Variants in TTC38 observed in about 807,000 individuals in gnomAD.
TTC38 encodes the protein tetratricopeptide repeat protein 38.
TTC38 carries 64 observed loss-of-function variants against 64.2 expected under a neutral mutation model. The ratio of observed to expected loss-of-function variants is 1.00; its 90% CI spans 0.81 to 1.23. The LOEUF (loss-of-function observed/expected upper bound fraction) is 1.23. Ranked by LOEUF, TTC38 falls within the 50% of genes most tolerant of loss-of-function variation. TTC38 has a pLI of 0.00. For synonymous variants in TTC38, 254 were observed against 249.3 expected (o/e 1.02, Z -0.18); for missense variants, 573 against 615.5 (o/e 0.93, Z 0.73).
chr22:46,289,120 G>C (rs6007794), intron 11 of TTC38, among the ~76,000 whole-genome samples: 1 of 152,192 alleles, frequency 6.6e-6, no homozygotes, highest in African/African-American at 2.4e-5. Context: ...CAATCCTGAC[G>C]GTTCTGTTAG....
chr22:46,268,196 G>A (rs563047349), intron 1 of TTC38, 124 bp downstream of exon 1: 3 of 1,115,248 alleles, frequency 2.7e-6, no homozygotes, highest in East Asian at 5.5e-5. Context: ...CTGGGCGCAC[G>A]GGCGCGTCCG....
chr22:46,278,750 C>A, intron 6 of TTC38, 89 bp downstream of exon 6: 1 of 1,002,556 alleles, frequency 1.0e-6, no homozygotes, highest in South Asian at 1.3e-5. Flanking sequence ...TCGTGTGTGA[C>A]CCCGGCGAAC....
At position 46,282,554 on chromosome 22, in the gene TTC38, A is replaced by G. The variant is rs771969019; in HGVS notation, c.735+836A>G. Among the ~76,000 whole-genome samples, 4 of 152,186 alleles carry G rather than the reference A, an allele frequency of 2.6e-5. No homozygotes were observed. The highest frequency in any genetic ancestry group is 4.4e-5 in the Non-Finnish European group (3 of 68,030). ...TTTGTATTTGGGGCAGCAAGAAATCAGGGAAGGGTGTGCACTTGGCTCCCA... is the reference window on the plus strand; with the variant it reads ...TTTGTATTTGGGGCAGCAAGAAATCGGGGAAGGGTGTGCACTTGGCTCCCA... On this transcript the variant is annotated intron_variant, in intron 7 of 13. Transcript: ENST00000381031. This position sits in a 1 kb window ranked among gnomAD's most constrained non-coding sequence, Gnocchi z 4.4.
Position 46,291,566 on chromosome 22 carries a change from C to T in TTC38, c.1317-1225C>T, listed in dbSNP as rs970918476. Among the ~76,000 whole-genome samples the T allele has an allele frequency of 2.6e-5, 4 of 152,188 alleles. No homozygotes were observed. The highest frequency in any genetic ancestry group is 4.8e-5 in the African/African-American group (2 of 41,438). On this transcript the variant is annotated intron_variant, in intron 13 of 13. Coordinates refer to ENST00000381031, the MANE Select transcript of TTC38 (RefSeq NM_017931.4). This position sits in a 1 kb window ranked among gnomAD's most constrained non-coding sequence, Gnocchi z 4.6. The stretch of plus-strand genomic sequence containing the variant: ...CATGGTGCCCCCCACAATGAGTTCC[C>T]GGCCCCAGCCCCTTCACACCACCCA...
At chr22:46,280,408 G>A (rs886749334) in intron 6 of TTC38, among the ~76,000 whole-genome samples, 6 of 152,226 alleles carry the variant, frequency 3.9e-5, no homozygotes, top group Non-Finnish European at 8.8e-5. Context: ...TCCTTCCCAC[G>A]GAACCATGGG....
intron 10 of TTC38, among the ~76,000 whole-genome samples, chr22:46,288,191 C>T (rs2077584892): frequency 6.6e-6 from 1 of 152,178 alleles, no homozygotes; most frequent in Non-Finnish European, 1.5e-5. Flanking sequence ...ACCTTTGACA[C>T]TTTTTAAAAT....
At chr22:46,285,059 G>T (rs1166046939) in intron 8 of TTC38, among the ~76,000 whole-genome samples, 182 bp from the exon 9 acceptor site, 2 of 152,048 alleles carry the variant, frequency 1.3e-5, no homozygotes, top group Admixed American at 1.3e-4. Context: ...AGCCCCGGTT[G>T]GAAGCGGGTT....
At chr22:46,269,846 G>A (rs2147782920) in intron 2 of TTC38, among the ~76,000 whole-genome samples, 1 of 152,308 alleles carries the variant, frequency 6.6e-6, no homozygotes, top group South Asian at 2.1e-4. Context: ...AGGCTGGAGT[G>A]CAATGGCGCA....
intron 10 of TTC38, 87 bp downstream of exon 10, chr22:46,287,241 C>G (rs55746052): frequency 0.062 from 78,134 of 1,269,298 alleles, 2,869 homozygotes; most frequent in Non-Finnish European, 0.074. Flanking sequence ...CAGGGTTGGG[C>G]AAGAGCTCAT....
Position 46,281,643 on chromosome 22 carries a change from C to G in TTC38, c.660C>G (p.Val220=), listed in dbSNP as rs370246262. 566 of 1,614,178 alleles carry G rather than the reference C, an allele frequency of 3.5e-4. 1 individual carries two copies. Among genetic ancestry groups the G allele is most frequent in the Non-Finnish European group, 4.5e-4 (534 of 1,180,036 alleles). The change falls in exon 7 of 14, where the codon GTC becomes GTG. Residue 220 remains valine, a synonymous_variant. Transcript: ENST00000381031. This position sits in a 1 kb window ranked among gnomAD's most constrained non-coding sequence, Gnocchi z 5.2. ...NPTDAWSVHT[V]AHIHEMKAEI... ...CAGACGCATGGTCGGTGCACACCGT[C>G]GCTCACATCCACGAGATGAAAGCAG... is the stretch of plus-strand genomic sequence containing the variant.
In TTC38 at chr22:46,275,398, G is replaced by T. The variant is rs1179367400; in HGVS notation, c.516G>T (p.Trp172Cys). The T allele has an allele frequency of 6.2e-7, 1 of 1,613,864 alleles. No individual in the cohort carries two copies. Among genetic ancestry groups the T allele is most frequent in the Non-Finnish European group, 8.5e-7 (1 of 1,179,922 alleles). Residue 172 changes from tryptophan to cysteine, a missense_variant, in exon 5 of 14, where the codon TGG becomes TGT. This residue lies in a region of TTC38 where 68 missense variants were observed against 107.3 expected (regional missense o/e 0.63). Transcript: ENST00000381031. The surrounding 1 kb of genome is among the most constrained non-coding windows in gnomAD (Gnocchi z 4.5). ...CTGTTGCTCGAATTTACCCCTTCTG[G>T]ACACCTGACATCCCCCTAAGCAGGT... ...RDSVARIYPF[W>C]TPDIPLSSYV...
intron 10 of TTC38, 140 bp from the exon 11 acceptor site, chr22:46,288,283 T>C (rs968013597): frequency 1.3e-6 from 1 of 767,358 alleles, no homozygotes; most frequent in Admixed American, 2.6e-5. Flanking sequence ...ACGCTGCCCG[T>C]GGCCCTGCCC....
In TTC38 at chr22:46,273,848, G is replaced by A; in HGVS notation, c.194-50G>A. On this transcript the variant is annotated intron_variant, in intron 3 of 13. Coordinates refer to ENST00000381031, the MANE Select transcript of TTC38 (RefSeq NM_017931.4). This position sits in a 1 kb window ranked among gnomAD's most constrained non-coding sequence, Gnocchi z 5.1. Reference sequence around the variant, plus strand: ...GACATGTGGAGTCTGGGCTGGGATGGGCTGAGCTGGACCATCTGAACCACC... The same window carrying A: ...GACATGTGGAGTCTGGGCTGGGATGAGCTGAGCTGGACCATCTGAACCACC... 6.3e-7 allele frequency: 1 copy of A among 1,598,728 alleles called. No individual in the cohort carries two copies. Among genetic ancestry groups the A allele is most frequent in the Non-Finnish European group, 8.6e-7 (1 of 1,168,520 alleles).
In TTC38 at chr22:46,281,859, G is replaced by A. The variant is rs571181437; in HGVS notation, c.735+141G>A. Reference sequence around the variant, plus strand: ...TCCTCCTCCACCTGCACCTGCCTCAGGTGTTTGGCTGCTGAGCAGAATGCA... The same window carrying A: ...TCCTCCTCCACCTGCACCTGCCTCAAGTGTTTGGCTGCTGAGCAGAATGCA... On this transcript the variant is annotated intron_variant, in intron 7 of 13. Transcript: ENST00000381031. The surrounding 1 kb of genome is among the most constrained non-coding windows in gnomAD (Gnocchi z 5.2). The A allele has an allele frequency of 8.7e-7, 1 of 1,148,918 alleles. No homozygotes were observed. The highest frequency in any genetic ancestry group is 1.5e-5 in the African/African-American group (1 of 65,172). 71.2% of individuals were successfully genotyped at this position (1,148,918 alleles called of 1,614,324 possible). A position where few individuals can be genotyped will look rare whatever the true frequency, so the allele number is the denominator to read the frequency against.
rs2077536767 is a variant in TTC38, at chr22:46,281,721, A to T, written c.735+3A>T. The T allele has an allele frequency of 1.2e-6, 2 of 1,613,626 alleles. No homozygotes were observed. Among genetic ancestry groups the T allele is most frequent in the Admixed American group, 1.7e-5 (1 of 60,004 alleles). On this transcript the variant is annotated splice_donor_region_variant and intron_variant, in intron 7 of 13. Coordinates refer to ENST00000381031, the MANE Select transcript of TTC38 (RefSeq NM_017931.4). The surrounding 1 kb of genome is among the most constrained non-coding windows in gnomAD (Gnocchi z 5.2). ...AGCACTCAGAGACCTTCTGGAAGGT[A>T]TGATGCTTGTCAATGGGTCACCTCC... is the stretch of plus-strand genomic sequence containing the variant.
Position 46,289,384 on chromosome 22 carries a change from A to ACCAG in TTC38, c.1083-16_1083-15insAGCC. 6.2e-7 allele frequency: 1 copy of ACCAG among 1,604,298 alleles called. No homozygotes were observed. The highest frequency in any genetic ancestry group is 8.5e-7 in the Non-Finnish European group (1 of 1,178,188). ...CTGTGATGGGCAGGCAGCTGAGGGC[A>ACCAG]CCGTCTTGGGTTCGCAGATCCCCAG... On this transcript the variant is annotated splice_polypyrimidine_tract_variant and intron_variant, in intron 11 of 13. Coordinates refer to ENST00000381031, the MANE Select transcript of TTC38 (RefSeq NM_017931.4).
Position 46,288,505 on chromosome 22 carries a change from C to T in TTC38, c.999C>T (p.Asp333=), listed in dbSNP as rs181584410. 330 of 1,614,044 alleles carry T rather than the reference C, an allele frequency of 2.0e-4. 2 individuals carry two copies. Among genetic ancestry groups the T allele is most frequent in the African/African-American group, 5.6e-4 (42 of 75,028 alleles). ...GAGACCACATCCTGCTGTTCAATGA[C>T]GCACACTTCCTGATGGCATCCCTGG... ...HSRDHILLFN[D]AHFLMASLGA... Residue 333 remains aspartate (D), a synonymous_variant, in exon 11 of 14, where the codon GAC becomes GAT. Transcript: ENST00000381031.
intron 9 of TTC38, among the ~76,000 whole-genome samples, chr22:46,286,759 G>A (rs1399717039): frequency 1.3e-5 from 2 of 152,254 alleles, no homozygotes; most frequent in Non-Finnish European, 2.9e-5. Flanking sequence ...ACGTGATCGG[G>A]CAGACAGCCC....
In TTC38 at chr22:46,275,506, T is replaced by C. The variant is rs1936989974; in HGVS notation, c.539+85T>C. Reference sequence around the variant, plus strand: ...AAATATGGTGACTCTCTTGGCCCTGTCCTAAAAATAATGGGACCACTGTTG... The same window carrying C: ...AAATATGGTGACTCTCTTGGCCCTGCCCTAAAAATAATGGGACCACTGTTG... On this transcript the variant is annotated intron_variant, in intron 5 of 13. Transcript: ENST00000381031. This position sits in a 1 kb window ranked among gnomAD's most constrained non-coding sequence, Gnocchi z 4.5. 1 of 1,373,462 alleles carries C rather than the reference T, an allele frequency of 7.3e-7. No homozygotes were observed. 85.1% of individuals were successfully genotyped at this position (1,373,462 alleles called of 1,614,324 possible). A position where few individuals can be genotyped will look rare whatever the true frequency, so the allele number is the denominator to read the frequency against.
Sources: gnomAD v4.1 joint callset for allele counts (sites outside exome capture counted in the v4.1 genomes callset) on GRCh38, gnomAD v4.1.1 for gene constraint, gnomAD v4.1.1 regional missense constraint, Gnocchi (gnomAD v3.1) non-coding constraint, MANE v1.5 for transcripts, NCBI Gene and HGNC (gene_info 2026-07-23, HGNC 2026-07-21) for gene names.